Variants in CA13 observed in about 807,000 individuals in gnomAD.
CA13 encodes carbonic anhydrase 13.
CA13 carries 21 observed loss-of-function variants against 31.5 expected under a neutral mutation model. That is an observed-to-expected ratio of 0.67 (90% CI 0.47 to 0.96). The LOEUF is 0.96. Ranked by LOEUF, CA13 falls within the 40% of genes least tolerant of loss-of-function variation. The pLI is 0.00. For missense variants in CA13, 315 were observed against 318.9 expected (o/e 0.99, Z 0.09); for synonymous variants, 117 against 111.4 (o/e 1.05, Z -0.32).
intron 3 of CA13, 60 bp from the exon 4 acceptor site, chr8:85,266,548 T>C (rs1807459703): frequency 1.6e-6 from 2 of 1,284,240 alleles, no homozygotes; most frequent in East Asian, 2.3e-5. Context: ...TTTATTTGCA[T>C]TTATGTTTTT....
intron 6 of CA13, among the ~76,000 whole-genome samples, chr8:85,278,429 A>G (rs1190857925): frequency 5.9e-5 from 9 of 152,150 alleles, no homozygotes; most frequent in Non-Finnish European, 1.0e-4. Context: ...TTAGAGTGAG[A>G]CATGCGTGTG....
chr8:85,247,282 T>TTCAA (rs1378311405), intron 1 of CA13, among the ~76,000 whole-genome samples: 1 of 152,196 alleles, frequency 6.6e-6, no homozygotes, highest in Non-Finnish European at 1.5e-5. Context: ...AGAAGGGTAT[T>TTCAA]TCAATCAATC....
chr8:85,267,315 G>A (rs1384415878), intron 4 of CA13: 20 of 985,732 alleles, frequency 2.0e-5, no homozygotes, highest in Non-Finnish European at 2.4e-5. Flanking sequence ...TGGACACCAA[G>A]TAGGGGTGGT....
Position 85,283,292 on chromosome 8 carries a change from T to C in CA13, c.*1943T>C, listed in dbSNP as rs1807734097. On this transcript the variant is annotated 3_prime_UTR_variant, in exon 7 of 7. Transcript: ENST00000321764. Reference sequence around the variant, plus strand: ...AGAATAACTGAATATCAGTAAATTGTGTAACAGTGGTGGATACTGTTGCAT... The same window carrying C: ...AGAATAACTGAATATCAGTAAATTGCGTAACAGTGGTGGATACTGTTGCAT... The C allele has an allele frequency of 6.6e-6, 1 of 152,240 alleles. No individual in the cohort carries two copies. The highest frequency in any genetic ancestry group is 2.1e-4 in the South Asian group (1 of 4,834). 9.4% of individuals were successfully genotyped at this position (152,240 alleles called of 1,614,324 possible).
At chr8:85,268,047 T>C in intron 5 of CA13, 83 bp downstream of exon 5, 6 of 849,482 alleles carry the variant, frequency 7.1e-6, no homozygotes, top group South Asian at 3.8e-5. Context: ...CTTAGACATA[T>C]GCTGCCTGCT....
chr8:85,281,474 A>C lies in CA13; in HGVS notation c.*125A>C. On this transcript the variant is annotated 3_prime_UTR_variant, in exon 7 of 7. Transcript: ENST00000321764. ...AATTTATAGGAAACATTTTAGTATG[A>C]GCTTCAGTGTCACAAAGAAAACCAG... 6.9e-7 allele frequency: 1 copy of C among 1,440,740 alleles called. No individual in the cohort carries two copies. The highest frequency in any genetic ancestry group is 1.4e-5 in the African/African-American group (1 of 70,128). The allele number at this position is 1,440,740 out of a possible 1,614,324, so 89.2% of individuals were successfully genotyped here.
Position 85,268,863 on chromosome 8 carries a change from C to A in CA13, c.669+236C>A, listed in dbSNP as rs141469999. 1.3e-3 allele frequency among the ~76,000 whole-genome samples: 197 copies of A among 152,208 alleles called. 1 individual carries two copies. Among genetic ancestry groups the A allele is most frequent in the Non-Finnish European group, 2.4e-3 (164 of 68,026 alleles). ...CATAGCGACACTGATGAAAGTAAAG[C>A]ATCATTTTGAGCACTATAATCATTT... On this transcript the variant is annotated intron_variant, in intron 6 of 6. Transcript: ENST00000321764.
chr8:85,262,345 TAAACCTGGTTTAACTTA>T (rs1192411698), intron 3 of CA13, among the ~76,000 whole-genome samples: 2 of 152,180 alleles, frequency 1.3e-5, no homozygotes, highest in Non-Finnish European at 2.9e-5. Flanking sequence ...CGTTTTAAGT[TAAACCTGGTTTAACTTA>T]AAACCTGGTT....
At position 85,282,441 on chromosome 8, in the gene CA13, G is replaced by A. The variant is rs1292029166; in HGVS notation, c.*1092G>A. 6.6e-6 allele frequency: 1 copy of A among 152,610 alleles called. No homozygotes were observed. The highest frequency in any genetic ancestry group is 2.4e-5 in the African/African-American group (1 of 41,448). 9.5% of individuals were successfully genotyped at this position (152,610 alleles called of 1,614,324 possible). On this transcript the variant is annotated 3_prime_UTR_variant, in exon 7 of 7. Coordinates refer to ENST00000321764, the MANE Select transcript of CA13 (RefSeq NM_198584.3). ...TGGTTTGAAACTAACATATGACATA[G>A]TACCAGTGCAGTCAGAGCTGCCCTT...
At chr8:85,250,972 A>T in intron 2 of CA13, 35 bp downstream of exon 2, 141 of 1,261,604 alleles carry the variant, frequency 1.1e-4, no homozygotes, top group Middle Eastern at 1.9e-4. Flanking sequence ...GTGGTGGTGG[A>T]TGAAGGGTTT....
intron 6 of CA13, among the ~76,000 whole-genome samples, chr8:85,277,038 CCT>C (rs1440628425): frequency 6.6e-6 from 1 of 152,144 alleles, no homozygotes; most frequent in Non-Finnish European, 1.5e-5. Context: ...CAATCAGCGC[CCT>C]GTCAAAATAG....
intron 5 of CA13, 118 bp downstream of exon 5, chr8:85,268,082 A>G (rs1408043960): frequency 6.3e-6 from 4 of 630,962 alleles, no homozygotes; most frequent in African/African-American, 5.6e-5. Flanking sequence ...ATACTTGATG[A>G]AAAAAAGCAG....
At chr8:85,246,411 T>A (rs1305250136) in intron 1 of CA13, 2 of 456,110 alleles carry the variant, frequency 4.4e-6, no homozygotes, top group Admixed American at 2.3e-5. Flanking sequence ...ACTGTAAATA[T>A]TCCCACAGCA....
At chr8:85,267,470 T>C in intron 4 of CA13, 1 of 220,706 alleles carries the variant, frequency 4.5e-6, no homozygotes, top group Non-Finnish European at 7.7e-6. Context: ...CAAATCATTT[T>C]AGGCTGCAAG....
chr8:85,272,830 T>G (rs1210142300), intron 6 of CA13, among the ~76,000 whole-genome samples: 1 of 152,174 alleles, frequency 6.6e-6, no homozygotes, highest in African/African-American at 2.4e-5. Flanking sequence ...TCTTTTCTTT[T>G]TGTTTCTGAA....
intron 3 of CA13, among the ~76,000 whole-genome samples, chr8:85,263,666 A>T (rs1228585493): frequency 1.3e-5 from 2 of 152,130 alleles, no homozygotes; most frequent in Non-Finnish European, 2.9e-5. Context: ...CATTTACTGA[A>T]ATGTGCAAGT....
intron 3 of CA13, among the ~76,000 whole-genome samples, chr8:85,261,881 T>C (rs1807384930): frequency 6.6e-6 from 1 of 152,052 alleles, no homozygotes; most frequent in South Asian, 2.1e-4. Context: ...GCTCTCGATC[T>C]GTTGCCCAGG....
intron 6 of CA13, among the ~76,000 whole-genome samples, chr8:85,272,648 C>G (rs994486194): frequency 1.3e-5 from 2 of 151,976 alleles, no homozygotes; most frequent in Non-Finnish European, 2.9e-5. Flanking sequence ...GGACATTTGG[C>G]TTGCTTTTAA....
At chr8:85,269,349 G>A (rs1221384050) in intron 6 of CA13, among the ~76,000 whole-genome samples, 1 of 152,192 alleles carries the variant, frequency 6.6e-6, no homozygotes, top group Non-Finnish European at 1.5e-5. Context: ...TACTCAAGGG[G>A]TTGAGGTGGG....
Sources: gnomAD v4.1 joint callset for allele counts (sites outside exome capture counted in the v4.1 genomes callset) on GRCh38, gnomAD v4.1.1 for gene constraint, MANE v1.5 for transcripts, NCBI Gene and HGNC (gene_info 2026-07-23, HGNC 2026-07-21) for gene names.